SPTA1: variants seen among roughly 807,000 people sequenced by gnomAD.
SPTA1 encodes the protein spectrin alpha, erythrocytic 1.
SPTA1 carries 177 observed loss-of-function variants against 324.7 expected under a neutral mutation model. The observed-to-expected ratio is 0.55, with a 90% CI of 0.48 to 0.62. The LOEUF is 0.62. Among genes scored for constraint, SPTA1 ranks in the 20% least tolerant of loss-of-function variants. SPTA1 has a pLI of 0.00. For synonymous variants in SPTA1, 1,195 were observed against 1,041.3 expected (o/e 1.15, Z -2.84); for missense variants, 3,162 against 2,883.6 (o/e 1.10, Z -2.21).
intron 43 of SPTA1, among the ~76,000 whole-genome samples, chr1:158,621,193 A>G (rs918801529): frequency 6.6e-6 from 1 of 151,908 alleles, no homozygotes; most frequent in Non-Finnish European, 1.5e-5. Flanking sequence ...AAAAGCATGA[A>G]TTTTTTCAAA....
At chr1:158,668,112 G>T in intron 14 of SPTA1, 50 bp from the exon 15 acceptor site, 1 of 1,586,444 alleles carries the variant, frequency 6.3e-7, no homozygotes, top group South Asian at 1.1e-5. Flanking sequence ...AAGAATGAGG[G>T]ACAGAAATTT....
At chr1:158,651,490 A>T (rs767197241) in intron 23 of SPTA1, 22 bp from the exon 24 acceptor site, 3 of 1,511,386 alleles carry the variant, frequency 2.0e-6, no homozygotes, top group Admixed American at 1.7e-5. Flanking sequence ...AATTCATCCA[A>T]AGCAGTGTAA....
At chr1:158,669,886 G>T in intron 12 of SPTA1, 100 bp from the exon 13 acceptor site, 2 of 1,178,106 alleles carry the variant, frequency 1.7e-6, no homozygotes, top group South Asian at 1.2e-5. Context: ...ACAGCAATGT[G>T]GGAGGAGAAG....
intron 42 of SPTA1, among the ~76,000 whole-genome samples, chr1:158,625,534 A>T (rs1650212883): frequency 6.6e-6 from 1 of 152,228 alleles, no homozygotes; most frequent in South Asian, 2.1e-4. Context: ...AATATAGAAT[A>T]TATTTTTAAA....
At chr1:158,623,336 G>A in intron 42 of SPTA1, 144 bp from the exon 43 acceptor site, 2 of 794,616 alleles carry the variant, frequency 2.5e-6, no homozygotes, top group South Asian at 2.8e-5. Context: ...ACTTAGAGAT[G>A]TAAGCAAACA....
intron 6 of SPTA1, among the ~76,000 whole-genome samples, chr1:158,678,137 C>T (rs754386900): frequency 1.3e-5 from 2 of 152,092 alleles, no homozygotes; most frequent in Non-Finnish European, 1.5e-5. Context: ...ACCTGCTTCC[C>T]TTCCGTCTGC....
chr1:158,649,477 A>G (rs945201685), intron 25 of SPTA1, among the ~76,000 whole-genome samples: 3 of 152,130 alleles, frequency 2.0e-5, no homozygotes, highest in Non-Finnish European at 4.4e-5. Context: ...TGTGGAGACA[A>G]TGTCTTGCTT....
In SPTA1 at chr1:158,615,256, A is replaced by G. The variant is rs1649483534; in HGVS notation, c.6748T>C (p.Leu2250=). 6.2e-7 allele frequency: 1 copy of G among 1,613,536 alleles called. No individual in the cohort carries two copies. Among genetic ancestry groups the G allele is most frequent in the Admixed American group, 1.7e-5 (1 of 59,986 alleles). The part of the protein sequence containing the change: ...QQWDQLYQLG[L]RMQHNLEQQI... ...TGCTCCAGGTTGTGTTGCATCCGCA[A>G]CCCAAGCTGGTAGAGCTGGTCCCAC... The change falls in exon 48 of 52, where the codon TTG becomes CTG. Residue 2250 remains leucine, a synonymous_variant. Transcript: ENST00000643759.
intron 27 of SPTA1, among the ~76,000 whole-genome samples, chr1:158,646,504 A>G (rs914812743): frequency 6.6e-6 from 1 of 152,170 alleles, no homozygotes; most frequent in African/African-American, 2.4e-5. Context: ...AAAAACAAAC[A>G]AAAAACAGAG....
intron 19 of SPTA1, among the ~76,000 whole-genome samples, chr1:158,657,163 AT>A (rs1460739026): frequency 6.6e-6 from 1 of 152,232 alleles, no homozygotes; most frequent in African/African-American, 2.4e-5. Flanking sequence ...ACCATGATTA[AT>A]TTATAAATGC....
intron 45 of SPTA1, among the ~76,000 whole-genome samples, chr1:158,618,810 T>C (rs1571376686): frequency 1.3e-5 from 2 of 152,184 alleles, no homozygotes; most frequent in East Asian, 3.8e-4. Context: ...TTTCCACACT[T>C]GGAAACAGAG....
chr1:158,646,867 C>G (rs941824732), intron 27 of SPTA1, among the ~76,000 whole-genome samples: 1 of 152,050 alleles, frequency 6.6e-6, no homozygotes, highest in Admixed American at 6.6e-5. Context: ...TAGAGCCAAA[C>G]GTGGGAACTG....
intron 45 of SPTA1, 160 bp from the exon 46 acceptor site, chr1:158,618,216 C>A: frequency 1.4e-6 from 1 of 715,620 alleles, no homozygotes; most frequent in Non-Finnish European, 2.4e-6. Context: ...TTCCCAAGGC[C>A]TCTCCCACTC....
At chr1:158,674,473 C>A in intron 9 of SPTA1, 43 bp from the exon 10 acceptor site, 2 of 1,614,006 alleles carry the variant, frequency 1.2e-6, no homozygotes, top group Non-Finnish European at 1.7e-6. Flanking sequence ...AGCAAGAAAC[C>A]TGGCATTTCT....
Position 158,647,676 on chromosome 1 carries a change from A to T in SPTA1, c.3759T>A (p.His1253Gln). Residue 1253 changes from histidine to glutamine, a missense_variant, in exon 27 of 52, where the codon CAT becomes CAA. Physicochemically the swap from His to Gln is conservative, Grantham distance 24. Coordinates refer to ENST00000643759, the MANE Select transcript of SPTA1 (RefSeq NM_003126.4). ...GETAERLSES[H>Q]PDATEDLQRQ... Reference sequence around the variant, plus strand: ...TCTGCAGGTCCTCAGTGGCATCTGGATGGGACTCACTGAGCCGCTCTGCTG... The same window carrying T: ...TCTGCAGGTCCTCAGTGGCATCTGGTTGGGACTCACTGAGCCGCTCTGCTG... The T allele has an allele frequency of 6.2e-7, 1 of 1,613,826 alleles. No individual in the cohort carries two copies. The highest frequency in any genetic ancestry group is 8.5e-7 in the Non-Finnish European group (1 of 1,179,900).
intron 5 of SPTA1, 72 bp downstream of exon 5, chr1:158,680,511 T>C: frequency 6.2e-7 from 1 of 1,602,538 alleles, no homozygotes; most frequent in South Asian, 1.1e-5. Context: ...CATATCCATC[T>C]ACTAATGGCC....
chr1:158,646,446 A>G (rs927251874), intron 27 of SPTA1, among the ~76,000 whole-genome samples: 4 of 152,158 alleles, frequency 2.6e-5, no homozygotes, highest in Non-Finnish European at 5.9e-5. Flanking sequence ...CCTTCTAGGA[A>G]CTCATACTTT....
intron 5 of SPTA1, 65 bp downstream of exon 5, chr1:158,680,518 G>T: frequency 1.2e-6 from 2 of 1,607,126 alleles, no homozygotes; most frequent in South Asian, 2.2e-5. Context: ...ATCTACTAAT[G>T]GCCAGAAGTT....
At chr1:158,650,740 G>T (rs1456431809) in intron 24 of SPTA1, among the ~76,000 whole-genome samples, 2 of 152,162 alleles carry the variant, frequency 1.3e-5, no homozygotes, top group East Asian at 1.9e-4. Context: ...AAGAATTTTA[G>T]ATCAGTTCAA....
Sources: allele counts gnomAD v4.1 joint callset (sites outside exome capture counted in the v4.1 genomes callset), GRCh38; gene constraint gnomAD v4.1.1; transcripts MANE v1.5; gene names NCBI Gene and HGNC (gene_info 2026-07-23, HGNC 2026-07-21).